NR2F1-AS1: variants seen among roughly 807,000 people sequenced by gnomAD.
NR2F1-AS1 encodes the protein NR2F1 regulatory antisense RNA 1, also known as NR2F1 antisense RNA 1.
intron 4 of NR2F1-AS1, among the ~76,000 whole-genome samples, chr5:93,548,824 C>T (rs1292301643): frequency 6.6e-6 from 1 of 151,998 alleles, no homozygotes; most frequent in East Asian, 1.9e-4. Flanking sequence ...TGAATCAAGA[C>T]CATGCCACCA....
intron 4 of NR2F1-AS1, among the ~76,000 whole-genome samples, chr5:93,535,588 T>C (rs1310055833): frequency 2.0e-5 from 3 of 151,972 alleles, no homozygotes; most frequent in Non-Finnish European, 4.4e-5. Context: ...CTCATAAGCA[T>C]AGACGCAAAA....
chr5:93,537,114 T>C (rs1473070857), intron 4 of NR2F1-AS1, among the ~76,000 whole-genome samples: 1 of 152,104 alleles, frequency 6.6e-6, no homozygotes, highest in Non-Finnish European at 1.5e-5. Flanking sequence ...TTATCAACAG[T>C]GTGAAAATGG....
chr5:93,584,415 C>G (rs1029269248), upstream of NR2F1-AS1: 2 of 148,786 alleles, frequency 1.3e-5, no homozygotes, highest in African/African-American at 4.9e-5. Context: ...GGCGGGCGCC[C>G]GGCGCGGGTG....
chr5:93,446,944 A>C (rs1031877181), intron 4 of NR2F1-AS1, among the ~76,000 whole-genome samples: 2 of 152,088 alleles, frequency 1.3e-5, no homozygotes, highest in African/African-American at 4.8e-5. Flanking sequence ...CAAAAACAAG[A>C]AATAGGGAAA....
At chr5:93,558,165 C>A (rs1752403747) in intron 2 of NR2F1-AS1, among the ~76,000 whole-genome samples, 2 of 152,150 alleles carry the variant, frequency 1.3e-5, no homozygotes, top group Admixed American at 1.3e-4. Context: ...AATATCTTGT[C>A]CATGTTGATA....
At chr5:93,500,259 ACT>A (rs1751050409) in intron 4 of NR2F1-AS1, among the ~76,000 whole-genome samples, 2 of 152,250 alleles carry the variant, frequency 1.3e-5, no homozygotes, top group South Asian at 4.1e-4. Flanking sequence ...GGACAGGCTG[ACT>A]CTTGCTAGGG....
intron 4 of NR2F1-AS1, among the ~76,000 whole-genome samples, chr5:93,450,575 T>A (rs1169752774): frequency 6.6e-6 from 1 of 152,216 alleles, no homozygotes; most frequent in Non-Finnish European, 1.5e-5. Context: ...AAGATCTATA[T>A]CACAATCACT....
intron 4 of NR2F1-AS1, among the ~76,000 whole-genome samples, chr5:93,531,183 GA>G (rs1751728985): frequency 6.6e-6 from 1 of 152,168 alleles, no homozygotes; most frequent in Admixed American, 6.5e-5. Context: ...TCAAGGAAAG[GA>G]AAATAATGGC....
intron 4 of NR2F1-AS1, among the ~76,000 whole-genome samples, chr5:93,465,712 G>A (rs1257160756): frequency 6.6e-6 from 1 of 152,126 alleles, no homozygotes; most frequent in Non-Finnish European, 1.5e-5. Context: ...AAGAAAATGT[G>A]ACACATATAC....
chr5:93,438,372 C>A (rs1749488251), intron 4 of NR2F1-AS1, among the ~76,000 whole-genome samples: 1 of 152,186 alleles, frequency 6.6e-6, no homozygotes, highest in Admixed American at 6.5e-5. Flanking sequence ...TCACTATATA[C>A]CCACTGCCCA....
chr5:93,557,808 T>A (rs940276639), intron 2 of NR2F1-AS1, among the ~76,000 whole-genome samples: 2 of 152,360 alleles, frequency 1.3e-5, no homozygotes, highest in South Asian at 2.1e-4. Context: ...GATAGCATTT[T>A]TACCCACAGT....
At chr5:93,421,663 G>A (rs1207165688) in intron 4 of NR2F1-AS1, among the ~76,000 whole-genome samples, 1 of 152,154 alleles carries the variant, frequency 6.6e-6, no homozygotes, top group East Asian at 1.9e-4. Context: ...TCAGCCTCCT[G>A]CAAGTCAAGC....
chr5:93,497,650 A>T (rs1750991895), intron 4 of NR2F1-AS1, among the ~76,000 whole-genome samples: 1 of 152,188 alleles, frequency 6.6e-6, no homozygotes, highest in Admixed American at 6.6e-5. Flanking sequence ...TTCATATTTA[A>T]GTTTATATAC....
chr5:93,427,667 A>G (rs1749223111), intron 4 of NR2F1-AS1, among the ~76,000 whole-genome samples: 1 of 152,220 alleles, frequency 6.6e-6, no homozygotes, highest in South Asian at 2.1e-4. Context: ...GCTGACAGTA[A>G]ATTCTTTGGT....
chr5:93,561,079 G>C (rs547513039), intron 2 of NR2F1-AS1, among the ~76,000 whole-genome samples: 1 of 152,264 alleles, frequency 6.6e-6, no homozygotes, highest in South Asian at 2.1e-4. Flanking sequence ...TTCGAGACCA[G>C]CCTAACCAAC....
chr5:93,463,093 C>T (rs544800871), intron 4 of NR2F1-AS1, among the ~76,000 whole-genome samples: 15 of 152,252 alleles, frequency 9.9e-5, no homozygotes, highest in Middle Eastern at 3.4e-3. Flanking sequence ...GAGACCTTTG[C>T]GGCAGCCCCA....
chr5:93,423,694 T>C (rs765160779), intron 4 of NR2F1-AS1, among the ~76,000 whole-genome samples: 19 of 152,318 alleles, frequency 1.2e-4, no homozygotes, highest in Non-Finnish European at 2.4e-4. Flanking sequence ...GTGTTTCAAA[T>C]ACAAAACAGT....
At chr5:93,494,499 G>T (rs995015557) in intron 4 of NR2F1-AS1, among the ~76,000 whole-genome samples, 29 of 152,104 alleles carry the variant, frequency 1.9e-4, no homozygotes, top group Admixed American at 1.7e-3. Context: ...AGGAATGGTG[G>T]TGTGTGCCTG....
At chr5:93,577,249 C>A (rs776492993) in intron 1 of NR2F1-AS1, among the ~76,000 whole-genome samples, 1 of 152,222 alleles carries the variant, frequency 6.6e-6, no homozygotes, top group African/African-American at 2.4e-5. Flanking sequence ...TTTAAATGAC[C>A]GGTTTGAGAT....
Sources: gnomAD v4.1 joint callset for allele counts (sites outside exome capture counted in the v4.1 genomes callset) on GRCh38, gnomAD v4.1.1 for gene constraint, MANE v1.5 for transcripts, NCBI Gene and HGNC (gene_info 2026-07-23, HGNC 2026-07-21) for gene names.